DISC1: variants seen among roughly 807,000 people sequenced by gnomAD.
DISC1 encodes disrupted in schizophrenia 1 protein.
In DISC1, 57 loss-of-function variants were observed where a neutral mutation model predicts 84.5. That is an observed-to-expected ratio of 0.67 (90% CI 0.55 to 0.84). The LOEUF is 0.84. DISC1 is among the 40% of genes least tolerant of loss of function. The pLI is 0.00. For missense variants in DISC1, 1,000 were observed against 1,057.8 expected (o/e 0.95, Z 0.76); for synonymous variants, 411 against 415.2 (o/e 0.99, Z 0.12).
intron 9 of DISC1, among the ~76,000 whole-genome samples, chr1:231,958,220 T>G (rs1272950900): frequency 6.6e-6 from 1 of 152,232 alleles, no homozygotes; most frequent in Non-Finnish European, 1.5e-5. Context: ...GTAAAGTGCC[T>G]CTTTGATCTG....
At chr1:231,751,700 C>T (rs1233876704) in intron 4 of DISC1, among the ~76,000 whole-genome samples, 1 of 152,176 alleles carries the variant, frequency 6.6e-6, no homozygotes, top group East Asian at 1.9e-4. Context: ...ACTCTGTGTA[C>T]CTCATAGAAG....
intron 10 of DISC1, among the ~76,000 whole-genome samples, chr1:231,960,664 T>C (rs1387587419): frequency 6.6e-6 from 1 of 152,226 alleles, no homozygotes; most frequent in Non-Finnish European, 1.5e-5. Context: ...GCTTCTGTGA[T>C]GAAATACATG....
intron 1 of DISC1, among the ~76,000 whole-genome samples, chr1:231,662,713 T>G (rs1253247327): frequency 6.6e-6 from 1 of 152,232 alleles, no homozygotes; most frequent in African/African-American, 2.4e-5. Flanking sequence ...TATGCCTAAG[T>G]TAAGTTGGTA....
intron 1 of DISC1, among the ~76,000 whole-genome samples, chr1:231,647,348 A>G (rs891654626): frequency 3.9e-5 from 6 of 152,134 alleles, no homozygotes; most frequent in African/African-American, 1.4e-4. Context: ...TGTTTTTGTC[A>G]GCTTTGTCAA....
At chr1:231,831,595 G>A (rs930352013) in intron 9 of DISC1, among the ~76,000 whole-genome samples, 33 of 152,182 alleles carry the variant, frequency 2.2e-4, no homozygotes, top group Non-Finnish European at 3.7e-4. Flanking sequence ...GGGATCTGAC[G>A]CCTTTTGATG....
At chr1:231,999,137 AAAT>A (rs1666336646) in intron 10 of DISC1, among the ~76,000 whole-genome samples, 1 of 152,166 alleles carries the variant, frequency 6.6e-6, no homozygotes, top group South Asian at 2.1e-4. Flanking sequence ...AAAAAAAATA[AAAT>A]GTTTAAAAAG....
At chr1:232,007,538 C>A (rs569914955) in intron 10 of DISC1, among the ~76,000 whole-genome samples, 1 of 152,306 alleles carries the variant, frequency 6.6e-6, no homozygotes, top group South Asian at 2.1e-4. Flanking sequence ...TGGCCAGTTT[C>A]TCCCATTTGG....
chr1:231,724,157 A>G (rs1160565511), intron 3 of DISC1: 1 of 472,888 alleles, frequency 2.1e-6, no homozygotes, highest in Admixed American at 6.4e-5. Context: ...TGCATGCTCA[A>G]TTGTCATATC....
chr1:231,763,221 G>T (rs1573611486), intron 4 of DISC1, among the ~76,000 whole-genome samples: 1 of 152,308 alleles, frequency 6.6e-6, no homozygotes, highest in African/African-American at 2.4e-5. Context: ...CCTGCTGTCT[G>T]CATGGCCATG....
chr1:231,969,148 G>T (rs1037716652), intron 10 of DISC1, among the ~76,000 whole-genome samples: 2 of 148,328 alleles, frequency 1.3e-5, no homozygotes, highest in Non-Finnish European at 3.0e-5. Context: ...CCTCCATTAA[G>T]GATCTGCCAA....
chr1:232,023,167 A>G (rs749428748), intron 11 of DISC1, among the ~76,000 whole-genome samples: 3 of 152,226 alleles, frequency 2.0e-5, no homozygotes, highest in Non-Finnish European at 2.9e-5. Flanking sequence ...AAAATTTCCC[A>G]TAATACTGCC....
At chr1:231,959,001 CAAAG>C (rs1490472992) in intron 10 of DISC1, 113 bp downstream of exon 10, 4 of 1,460,798 alleles carry the variant, frequency 2.7e-6, no homozygotes, top group Admixed American at 2.9e-5. Flanking sequence ...AATAAATTAA[CAAAG>C]AAAGACACAA....
chr1:231,779,939 T>C lies in DISC1; in HGVS notation c.1634+8869T>C, dbSNP rs1394052889. On this transcript the variant is annotated intron_variant, in intron 6 of 12. Transcript: ENST00000439617. Reference sequence around the variant, plus strand: ...TGCTAATGGCTTCTGCCGGAGGCTATGCTTCCCAGCCTGTTAGAATGGCAA... The same window carrying C: ...TGCTAATGGCTTCTGCCGGAGGCTACGCTTCCCAGCCTGTTAGAATGGCAA... Among the ~76,000 whole-genome samples the C allele has an allele frequency of 3.9e-5, 6 of 152,266 alleles. No homozygotes were observed. In the East Asian group the frequency reaches 1.2e-3, roughly 29 times the overall value.
intron 1 of DISC1, among the ~76,000 whole-genome samples, chr1:231,662,415 G>A (rs548592227): frequency 1.3e-5 from 2 of 152,282 alleles, no homozygotes; most frequent in South Asian, 2.1e-4. Flanking sequence ...CGAGGGAGAG[G>A]TCAGAGTTCT....
At chr1:231,902,393 G>C (rs970997276) in intron 9 of DISC1, among the ~76,000 whole-genome samples, 1 of 152,118 alleles carries the variant, frequency 6.6e-6, no homozygotes, top group African/African-American at 2.4e-5. Flanking sequence ...CTGATGTCAG[G>C]AGTTCAAGAT....
At chr1:231,869,258 C>A (rs893084258) in intron 9 of DISC1, among the ~76,000 whole-genome samples, 8 of 152,254 alleles carry the variant, frequency 5.3e-5, no homozygotes, top group Admixed American at 2.6e-4. Context: ...ACCGGGGAGT[C>A]TGTCTTGTCT....
chr1:231,896,666 G>A (rs1327290404), intron 9 of DISC1, among the ~76,000 whole-genome samples: 1 of 152,110 alleles, frequency 6.6e-6, no homozygotes, highest in Admixed American at 6.6e-5. Flanking sequence ...TATCTTCTGT[G>A]GTGACCCTTG....
rs1478222440 is a variant in DISC1 at position 231,954,671 on chromosome 1, G to A, written c.1982-4157G>A. ...ATTCTCATAGGTCCCTGCTCTACTG[G>A]ACCTAAAATGGTAGGGAAGAAAGGA... On this transcript the variant is annotated intron_variant, in intron 9 of 12. Coordinates refer to ENST00000439617, the MANE Select transcript of DISC1 (RefSeq NM_018662.3). This position sits in a 1 kb window ranked among gnomAD's most constrained non-coding sequence, Gnocchi z 4.8. 1.3e-5 allele frequency among the ~76,000 whole-genome samples: 2 copies of A among 152,150 alleles called. No individual in the cohort carries two copies. The highest frequency in any genetic ancestry group is 6.5e-5 in the Admixed American group (1 of 15,268).
At chr1:231,747,144 T>G (rs956298996) in intron 3 of DISC1, among the ~76,000 whole-genome samples, 2 of 152,090 alleles carry the variant, frequency 1.3e-5, no homozygotes, top group Non-Finnish European at 1.5e-5. Context: ...TTTCCCAGGC[T>G]GGTCTTAAAC....
Sources: gnomAD v4.1 joint callset for allele counts (sites outside exome capture counted in the v4.1 genomes callset) on GRCh38, gnomAD v4.1.1 for gene constraint, Gnocchi (gnomAD v3.1) non-coding constraint, MANE v1.5 for transcripts, NCBI Gene and HGNC (gene_info 2026-07-23, HGNC 2026-07-21) for gene names.